The following PRUNE2 variants were observed in gnomAD, a reference collection of about 807,000 sequenced individuals.
PRUNE2 encodes protein prune homolog 2.
A neutral mutation model predicts 252.0 loss-of-function variants in PRUNE2; 164 were observed. The ratio of observed to expected loss-of-function variants is 0.65; its 90% CI spans 0.57 to 0.74. PRUNE2 has a LOEUF of 0.74. Among genes scored for constraint, PRUNE2 ranks in the 30% least tolerant of loss-of-function variants. The pLI is 0.00. For missense variants in PRUNE2, 3,495 were observed against 3,711.0 expected, an observed-to-expected ratio of 0.94 and a Z score of 1.51; for synonymous variants, 1,292 against 1,350.2, an observed-to-expected ratio of 0.96 and a Z score of 0.94.
intron 1 of PRUNE2, among the ~76,000 whole-genome samples, chr9:76,888,573 T>C (rs1190047692): frequency 6.9e-6 from 1 of 143,926 alleles, no homozygotes; most frequent in African/African-American, 2.5e-5. Flanking sequence ...TGAGACTCCA[T>C]CTCAATAATA....
intron 6 of PRUNE2, among the ~76,000 whole-genome samples, chr9:76,727,485 T>C (rs2048195898): frequency 6.6e-6 from 1 of 152,208 alleles, no homozygotes; most frequent in Admixed American, 6.5e-5. Flanking sequence ...TAGTTTAGAT[T>C]GCTGTGCTTA....
In PRUNE2 at chr9:76,705,641, G is replaced by A; in HGVS notation, c.6633C>T (p.Ser2211=). The change falls in exon 8 of 19, where the codon AGC becomes AGT. Residue 2211 remains serine, a synonymous_variant. Transcript: ENST00000376718. ...GTTCCAAAATTGGTGCCATATCTGG[G>A]CTGGCTCCTTTTTCTGATACTTGTA... The part of the protein sequence containing the change: ...TGLQVSEKGA[S]PDMAPILEPV... 2 of 1,613,990 alleles carry A rather than the reference G, an allele frequency of 1.2e-6. No individual in the cohort carries two copies. The highest frequency in any genetic ancestry group is 4.5e-5 in the East Asian group (2 of 44,886).
rs115509047 is a variant in PRUNE2 at position 76,700,783 on chromosome 9, C to T, written c.8276+2554G>A. On this transcript the variant is annotated intron_variant, in intron 9 of 18. Transcript: ENST00000376718. ...GAATAAGCCATTCCTGCTGCCTGCTCCATAAAGGCGCCCGAAACAGATATC... is the reference window on the plus strand; with the variant it reads ...GAATAAGCCATTCCTGCTGCCTGCTTCATAAAGGCGCCCGAAACAGATATC... Among the ~76,000 whole-genome samples the T allele has an allele frequency of 7.2e-3, 1,090 of 152,236 alleles. 10 individuals carry two copies. The highest frequency in any genetic ancestry group is 0.024 in the African/African-American group (1,002 of 41,542).
chr9:76,826,544 G>T (rs762731622), intron 5 of PRUNE2, 36 bp downstream of exon 5: 1 of 1,481,004 alleles, frequency 6.8e-7, no homozygotes, highest in Non-Finnish European at 9.1e-7. Context: ...ATCCCTACTC[G>T]GGAGGGACAA....
chr9:76,782,732 G>A (rs987398388), intron 6 of PRUNE2: 5 of 152,192 alleles, frequency 3.3e-5, no homozygotes, highest in African/African-American at 4.8e-5. Context: ...GAGCTAGTCC[G>A]CTGTGAGTCT....
intron 6 of PRUNE2, among the ~76,000 whole-genome samples, chr9:76,807,051 T>TGTGTGTGCGCGCGCGC (rs60768420): frequency 1.4e-5 from 2 of 139,338 alleles, no homozygotes; most frequent in African/African-American, 5.5e-5. Context: ...TGTGTGTGTG[T>TGTGTGTGCGCGCGCGC]GCGCGCGCGC....
chr9:76,629,577 T>C (rs1836536800), intron 15 of PRUNE2, among the ~76,000 whole-genome samples: 1 of 151,504 alleles, frequency 6.6e-6, no homozygotes, highest in Non-Finnish European at 1.5e-5. Flanking sequence ...ACTGAGCTAA[T>C]TTACGTATGT....
In PRUNE2 at chr9:76,666,797, C is replaced by T. The variant is rs542416720; in HGVS notation, c.8277-11295G>A. On this transcript the variant is annotated intron_variant, in intron 9 of 18. Coordinates refer to ENST00000376718, the MANE Select transcript of PRUNE2 (RefSeq NM_015225.3). Reference sequence around the variant, plus strand: ...CTTTATTTCTGCAATCTCTCGTCTCCGCACACAGGGAGAAAAACCCACTGA... The same window carrying T: ...CTTTATTTCTGCAATCTCTCGTCTCTGCACACAGGGAGAAAAACCCACTGA... Among the ~76,000 whole-genome samples, 139 of 152,242 alleles carry T rather than the reference C, an allele frequency of 9.1e-4. 1 individual carries two copies. The highest frequency in any genetic ancestry group is 3.1e-3 in the Admixed American group (47 of 15,282).
At chr9:76,656,261 G>C (rs183211040) in intron 9 of PRUNE2, among the ~76,000 whole-genome samples, 1 of 152,128 alleles carries the variant, frequency 6.6e-6, no homozygotes, top group African/African-American at 2.4e-5. Context: ...CACTGTTCAC[G>C]ATAAATTTCT....
At chr9:76,616,979 C>A (rs144186324) in intron 18 of PRUNE2, among the ~76,000 whole-genome samples, 10,168 of 150,754 alleles carry the variant, frequency 0.067, 864 homozygotes, top group African/African-American at 0.19. Flanking sequence ...TAAATAAATA[C>A]ATAAATAAAT....
intron 1 of PRUNE2, among the ~76,000 whole-genome samples, chr9:76,895,680 G>C (rs1277647476): frequency 1.3e-5 from 2 of 152,162 alleles, no homozygotes; most frequent in Non-Finnish European, 2.9e-5. Flanking sequence ...CTTTATGTCA[G>C]TGATGTTATG....
At chr9:76,644,984 G>A (rs1327450205) in intron 11 of PRUNE2, 75 bp from the exon 12 acceptor site, 15 of 1,355,734 alleles carry the variant, frequency 1.1e-5, no homozygotes, top group South Asian at 9.5e-5. Flanking sequence ...CAAATGGTAA[G>A]CTTTACAATA....
At chr9:76,696,865 G>A (rs1189329998) in intron 9 of PRUNE2, among the ~76,000 whole-genome samples, 1 of 152,154 alleles carries the variant, frequency 6.6e-6, no homozygotes, top group Non-Finnish European at 1.5e-5. Flanking sequence ...AGTCTTTCTG[G>A]GTTCTGGTCA....
chr9:76,784,974 T>C (rs1405739276), intron 6 of PRUNE2: 1 of 152,208 alleles, frequency 6.6e-6, no homozygotes, highest in Non-Finnish European at 1.5e-5. Context: ...TTTAATTACA[T>C]ATTTTGTTTT....
At chr9:76,702,876 C>T (rs11145013) in intron 9 of PRUNE2, among the ~76,000 whole-genome samples, 1 of 152,154 alleles carries the variant, frequency 6.6e-6, no homozygotes, top group Admixed American at 6.5e-5. Context: ...ACTCTGGTTA[C>T]TTAATTCTAG....
intron 9 of PRUNE2, among the ~76,000 whole-genome samples, chr9:76,700,415 A>T (rs1350119139): frequency 2.0e-5 from 3 of 152,180 alleles, no homozygotes; most frequent in African/African-American, 7.2e-5. Context: ...TTGGGAAACC[A>T]CAGCTATCTC....
intron 12 of PRUNE2, among the ~76,000 whole-genome samples, chr9:76,641,555 A>C (rs1000081083): frequency 6.6e-6 from 1 of 152,206 alleles, no homozygotes; most frequent in Non-Finnish European, 1.5e-5. Flanking sequence ...GATACCTTGA[A>C]GGGGTCAGCT....
At chr9:76,744,430 G>T (rs1362754541) in intron 6 of PRUNE2, among the ~76,000 whole-genome samples, 1 of 152,102 alleles carries the variant, frequency 6.6e-6, no homozygotes, top group Non-Finnish European at 1.5e-5. Context: ...AATAGATACA[G>T]GTTTTTCTAC....
intron 4 of PRUNE2, among the ~76,000 whole-genome samples, chr9:76,832,021 T>C (rs1234714552): frequency 1.3e-5 from 2 of 152,134 alleles, no homozygotes; most frequent in South Asian, 2.1e-4. Context: ...GAGATTAAGA[T>C]AAATATTTCT....
Sources: allele counts gnomAD v4.1 joint callset (sites outside exome capture counted in the v4.1 genomes callset), GRCh38; gene constraint gnomAD v4.1.1; transcripts MANE v1.5; gene names NCBI Gene and HGNC (gene_info 2026-07-23, HGNC 2026-07-21).